Variants in MLLT10 observed in about 807,000 individuals in gnomAD.
MLLT10 encodes MLLT10 histone lysine methyltransferase DOT1L cofactor.
In MLLT10, 30 loss-of-function variants were observed where a neutral mutation model predicts 129.1. The ratio of observed to expected loss-of-function variants is 0.23; its 90% CI spans 0.17 to 0.32. The LOEUF (loss-of-function observed/expected upper bound fraction) is 0.32, where lower values mean the gene tolerates loss of function less well. Ranked by LOEUF, MLLT10 falls within the 10% of genes least tolerant of loss-of-function variation. MLLT10 has a pLI of 1.00. For missense variants in MLLT10, 1,119 were observed against 1,268.3 expected (o/e 0.88, Z 1.79); for synonymous variants, 490 against 446.4 (o/e 1.10, Z -1.23).
chr10:21,654,431 A>G (rs930994620), intron 9 of MLLT10, among the ~76,000 whole-genome samples: 1 of 152,212 alleles, frequency 6.6e-6, no homozygotes, highest in Non-Finnish European at 1.5e-5. Context: ...TTTGGGGAAA[A>G]TATCTTGTGA....
intron 8 of MLLT10, among the ~76,000 whole-genome samples, chr10:21,631,532 G>C (rs1423712659): frequency 6.6e-6 from 1 of 151,724 alleles, no homozygotes; most frequent in Non-Finnish European, 1.5e-5. Flanking sequence ...TTAGTAGGAA[G>C]AAAAGAGATT....
At chr10:21,537,640 A>G (rs1208055725) in intron 2 of MLLT10, among the ~76,000 whole-genome samples, 1 of 151,350 alleles carries the variant, frequency 6.6e-6, no homozygotes, top group Non-Finnish European at 1.5e-5. Context: ...AATTTTTAAA[A>G]AAATTTTTAG....
intron 9 of MLLT10, among the ~76,000 whole-genome samples, chr10:21,665,970 G>A (rs1356993982): frequency 6.6e-6 from 1 of 152,162 alleles, no homozygotes; most frequent in South Asian, 2.1e-4. Flanking sequence ...AAAAGTTCTG[G>A]AATTACAGTG....
At chr10:21,685,345 T>C (rs1186391901) in intron 13 of MLLT10, among the ~76,000 whole-genome samples, 1 of 152,218 alleles carries the variant, frequency 6.6e-6, no homozygotes, top group Non-Finnish European at 1.5e-5. Context: ...ATGATTATTA[T>C]TATTTTTGAG....
intron 8 of MLLT10, among the ~76,000 whole-genome samples, chr10:21,620,198 G>A (rs909359728): frequency 3.9e-4 from 59 of 152,228 alleles, no homozygotes; most frequent in African/African-American, 1.2e-3. Flanking sequence ...AAAGTGCTGG[G>A]ATTACAGGCG....
At chr10:21,670,806 T>A in intron 10 of MLLT10, 102 bp downstream of exon 10, 1 of 1,263,494 alleles carries the variant, frequency 7.9e-7, no homozygotes, top group Non-Finnish European at 1.1e-6. Flanking sequence ...AACTAATGGA[T>A]GTTCTAGATT....
At chr10:21,565,470 G>A (rs1489890467) in intron 3 of MLLT10, among the ~76,000 whole-genome samples, 1 of 151,976 alleles carries the variant, frequency 6.6e-6, no homozygotes, top group African/African-American at 2.4e-5. Context: ...ACCATGCCTG[G>A]TTAATTTTTT....
intron 3 of MLLT10, among the ~76,000 whole-genome samples, chr10:21,581,119 C>T (rs1187887067): frequency 1.3e-5 from 2 of 149,758 alleles, no homozygotes; most frequent in African/African-American, 4.9e-5. Context: ...GATCTCGGCT[C>T]ACTGCAAGCT....
chr10:21,573,749 C>T (rs2040454590), intron 3 of MLLT10, among the ~76,000 whole-genome samples: 1 of 151,838 alleles, frequency 6.6e-6, no homozygotes, highest in Admixed American at 6.6e-5. Context: ...TTTGTGGAGA[C>T]AGGGTTTCAC....
chr10:21,595,472 A>C (rs780795103), intron 5 of MLLT10, 32 bp downstream of exon 5: 2 of 1,515,378 alleles, frequency 1.3e-6, no homozygotes, highest in Non-Finnish European at 1.8e-6. Flanking sequence ...TACTGTTTGA[A>C]TATCACTACT....
At position 21,595,591 on chromosome 10, in the gene MLLT10, T is replaced by C. The variant is rs1054118018; in HGVS notation, c.405+151T>C. The C allele has an allele frequency of 2.3e-5, 13 of 574,116 alleles. No individual in the cohort carries two copies. The East Asian group carries it at 2.5e-4, about 11-fold the overall frequency. 35.6% of individuals were successfully genotyped at this position (574,116 alleles called of 1,614,324 possible). On this transcript the variant is annotated intron_variant, in intron 5 of 22. Coordinates refer to ENST00000307729, the MANE Select transcript of MLLT10 (RefSeq NM_001195626.3). ...CCAAACTGCAGTTATTAAAATGTTA[T>C]TAATATGTTACTAAGGTCACAGGAG...
chr10:21,669,861 C>T (rs929876058), intron 9 of MLLT10, among the ~76,000 whole-genome samples: 3 of 151,974 alleles, frequency 2.0e-5, no homozygotes, highest in Admixed American at 6.6e-5. Context: ...CTTACCTTTG[C>T]GATATATAAC....
intron 8 of MLLT10, among the ~76,000 whole-genome samples, chr10:21,643,776 C>G (rs918082110): frequency 6.6e-6 from 1 of 152,008 alleles, no homozygotes; most frequent in Admixed American, 6.5e-5. Context: ...CAGAATTGTT[C>G]AGAATTTTTT....
intron 11 of MLLT10, among the ~76,000 whole-genome samples, chr10:21,674,545 T>C (rs1383243459): frequency 1.3e-5 from 2 of 152,224 alleles, no homozygotes; most frequent in Admixed American, 1.3e-4. Context: ...TGAGTTGATA[T>C]ACATTGTTAT....
chr10:21,553,734 C>T (rs1057123559), intron 3 of MLLT10, among the ~76,000 whole-genome samples: 3 of 151,600 alleles, frequency 2.0e-5, no homozygotes, highest in African/African-American at 7.3e-5. Flanking sequence ...ACTGCAAACT[C>T]TGCCTCCCGG....
chr10:21,639,965 A>AGC (rs1379953590), intron 8 of MLLT10, among the ~76,000 whole-genome samples: 4 of 151,800 alleles, frequency 2.6e-5, no homozygotes, highest in Non-Finnish European at 4.4e-5. Flanking sequence ...TGAGGCCTAA[A>AGC]GCACCCCATT....
chr10:21,538,855 A>C lies in MLLT10; in HGVS notation c.183A>C (p.Val61=). Reference sequence around the variant, plus strand: ...CAGCTTGCTATGGCATTGTTCAAGTACCCACTGGACCGTGGTTTTGCAGGA... The same window carrying C: ...CAGCTTGCTATGGCATTGTTCAAGTCCCCACTGGACCGTGGTTTTGCAGGA... ...VHQACYGIVQ[V]PTGPWFCRKC... is the part of the protein sequence containing the mutation. Residue 61 remains valine, a synonymous_variant, in exon 3 of 23, where the codon GTA becomes GTC. Transcript: ENST00000307729. 1 of 1,613,368 alleles carries C rather than the reference A, an allele frequency of 6.2e-7. No homozygotes were observed. Among genetic ancestry groups the C allele is most frequent in the Non-Finnish European group, 8.5e-7 (1 of 1,179,378 alleles).
intron 9 of MLLT10, among the ~76,000 whole-genome samples, chr10:21,667,152 C>T (rs375694468): frequency 1.3e-5 from 2 of 151,880 alleles, no homozygotes; most frequent in South Asian, 2.1e-4. Flanking sequence ...TTTTCTAGAT[C>T]GAATGTTTTC....
rs869027358 is a variant in MLLT10, at chr10:21,716,697, C to CA, written c.1878+2761dup. Among the ~76,000 whole-genome samples, 484 of 125,490 alleles carry CA rather than the reference C, an allele frequency of 3.9e-3. 1 individual carries two copies. The highest frequency in any genetic ancestry group is 8.2e-3 in the African/African-American group (278 of 33,996). 82.3% of individuals were successfully genotyped at this position (125,490 alleles called of 152,430 possible). ...CCAACAGAGCCAGACTCTGTCTCCC[C>CA]AAAAAAAAAAAAAAGTAATTCTAGA... On this transcript the variant is annotated intron_variant, in intron 14 of 22. Transcript: ENST00000307729.
Sources: gnomAD v4.1 joint callset for allele counts (sites outside exome capture counted in the v4.1 genomes callset) on GRCh38, gnomAD v4.1.1 for gene constraint, MANE v1.5 for transcripts, NCBI Gene and HGNC (gene_info 2026-07-23, HGNC 2026-07-21) for gene names.